UTRN: variants seen among roughly 807,000 people sequenced by gnomAD.
UTRN encodes utrophin.
UTRN carries 283 observed loss-of-function variants against 463.9 expected under a neutral mutation model. That is an observed-to-expected ratio of 0.61 (90% CI 0.55 to 0.67). The LOEUF (loss-of-function observed/expected upper bound fraction) is 0.67. Among genes scored for constraint, UTRN ranks in the 30% least tolerant of loss-of-function variants. UTRN has a pLI of 0.00. For synonymous variants in UTRN, 1,442 were observed against 1,431.5 expected (o/e 1.01, Z -0.17); for missense variants, 3,922 against 4,084.3 (o/e 0.96, Z 1.08).
Position 144,852,189 on chromosome 6 carries a change from A to G in UTRN, c.*1192A>G, listed in dbSNP as rs1459844461. The stretch of plus-strand genomic sequence containing the variant: ...AATATATTTGGAAAGAATGTTTATC[A>G]AAAGTCTATGTCACTGCTTCTACAG... On this transcript the variant is annotated 3_prime_UTR_variant, in exon 75 of 75. Coordinates refer to ENST00000367545, the MANE Select transcript of UTRN (RefSeq NM_007124.3). 6.6e-6 allele frequency: 1 copy of G among 152,178 alleles called. No homozygotes were observed. The highest frequency in any genetic ancestry group is 2.4e-5 in the African/African-American group (1 of 41,456). The allele number at this position is 152,178 out of a possible 1,614,324, so 9.4% of individuals were successfully genotyped here.
In UTRN at chr6:144,824,431, C is replaced by CATTGTATATATGTACACTATGTATATAT. The variant is rs1554407780; in HGVS notation, c.9495-2906_9495-2905insGTACACTATGTATATATATTGTATATAT. Among the ~76,000 whole-genome samples the CATTGTATATATGTACACTATGTATATAT allele has an allele frequency of 5.7e-3, 640 of 112,684 alleles. 6 individuals carry two copies. Among genetic ancestry groups the CATTGTATATATGTACACTATGTATATAT allele is most frequent in the African/African-American group, 0.019 (533 of 27,614 alleles). 73.9% of individuals were successfully genotyped at this position (112,684 alleles called of 152,430 possible). The stretch of plus-strand genomic sequence containing the variant: ...TTATATATATATATACACACACACA[C>CATTGTATATATGTACACTATGTATATAT]ATTGTATATATATACACATATACAA... On this transcript the variant is annotated intron_variant, in intron 66 of 74. Coordinates refer to ENST00000367545, the MANE Select transcript of UTRN (RefSeq NM_007124.3).
At chr6:144,482,609 C>G (rs1792013125) in intron 27 of UTRN, among the ~76,000 whole-genome samples, 1 of 152,070 alleles carries the variant, frequency 6.6e-6, no homozygotes, top group African/African-American at 2.4e-5. Context: ...AGACCAAAAT[C>G]TGTCCCTAAT....
chr6:144,824,600 A>T (rs531965083), intron 66 of UTRN, among the ~76,000 whole-genome samples: 2 of 40,764 alleles, frequency 4.9e-5, no homozygotes, highest in Admixed American at 4.4e-4. Flanking sequence ...ATATATATAT[A>T]TATATATATA....
At chr6:144,429,816 T>C in intron 9 of UTRN, 75 bp downstream of exon 9, 1 of 1,499,012 alleles carries the variant, frequency 6.7e-7, no homozygotes, top group Non-Finnish European at 9.0e-7. Context: ...AAAACACTTT[T>C]AGAGGGTTTT....
At chr6:144,360,075 C>T (rs1324304359) in intron 2 of UTRN, among the ~76,000 whole-genome samples, 28 of 94,598 alleles carry the variant, frequency 3.0e-4, no homozygotes, top group African/African-American at 1.5e-3. Flanking sequence ...CCCTTCCCTT[C>T]CCTTCCCTTC....
At chr6:144,475,842 G>T (rs571561383) in intron 25 of UTRN, among the ~76,000 whole-genome samples, 1 of 152,170 alleles carries the variant, frequency 6.6e-6, no homozygotes, top group African/African-American at 2.4e-5. Context: ...TTGGGAGGCT[G>T]AGGTGGGTGG....
chr6:144,540,249 G>A (rs1797876260), intron 45 of UTRN, among the ~76,000 whole-genome samples: 1 of 151,502 alleles, frequency 6.6e-6, no homozygotes, highest in African/African-American at 2.4e-5. Context: ...ACGGTTAAAA[G>A]TAGATAAAGT....
intron 1 of UTRN, among the ~76,000 whole-genome samples, chr6:144,290,367 G>T (rs1804107350): frequency 6.6e-6 from 1 of 152,084 alleles, no homozygotes; most frequent in African/African-American, 2.4e-5. Context: ...AGGTAATTTT[G>T]GTTTTCAAGA....
chr6:144,593,641 T>C (rs1329385962), intron 51 of UTRN, among the ~76,000 whole-genome samples: 1 of 152,188 alleles, frequency 6.6e-6, no homozygotes, highest in Non-Finnish European at 1.5e-5. Context: ...TGACTTGGCC[T>C]TAGGCTGCCT....
intron 46 of UTRN, among the ~76,000 whole-genome samples, chr6:144,545,450 G>A (rs1450000615): frequency 6.6e-6 from 1 of 152,082 alleles, no homozygotes; most frequent in Admixed American, 6.5e-5. Context: ...TTTTCCCTTT[G>A]TTCATTCTGT....
chr6:144,295,590 CTCT>C (rs1406634954), intron 2 of UTRN, among the ~76,000 whole-genome samples: 4 of 152,212 alleles, frequency 2.6e-5, no homozygotes, highest in African/African-American at 9.6e-5. Context: ...TTTGCATTTT[CTCT>C]TCTTGTCTAA....
chr6:144,661,017 A>G (rs532729589), intron 51 of UTRN, among the ~76,000 whole-genome samples: 53 of 152,218 alleles, frequency 3.5e-4, no homozygotes, highest in Non-Finnish European at 7.1e-4. Flanking sequence ...TTTGGATGCC[A>G]AACACCAATC....
intron 2 of UTRN, among the ~76,000 whole-genome samples, chr6:144,295,550 C>A (rs940491266): frequency 6.6e-6 from 1 of 152,202 alleles, no homozygotes; most frequent in Non-Finnish European, 1.5e-5. Flanking sequence ...GGGCTGGAAG[C>A]CTGTGTGTAA....
rs768832466 is a variant in UTRN at position 144,835,904 on chromosome 6, G to A, written c.9790G>A (p.Glu3264Lys). The A allele has an allele frequency of 1.2e-6, 2 of 1,614,122 alleles. No individual in the cohort carries two copies. Among genetic ancestry groups the A allele is most frequent in the Non-Finnish European group, 1.7e-6 (2 of 1,179,986 alleles). Residue 3264 changes from glutamate (E) to lysine (K), a missense_variant, in exon 70 of 75, where the codon GAG becomes AAG. Coordinates refer to ENST00000367545, the MANE Select transcript of UTRN (RefSeq NM_007124.3). ...AGAGAGGGAAGAACGTGGAGAACTG[G>A]AGAGGATCATTGCTGACCTGGAGGA... Reference protein sequence around the residue: ...SVEREERGELERIIADLEEEQ... With the variant: ...SVEREERGELKRIIADLEEEQ...
Position 144,370,994 on chromosome 6 carries a change from C to T in UTRN, c.80-32129C>T, listed in dbSNP as rs193152598. ...TTAAGACACCTGCATTACTGTTTGA[C>T]AGGTGTACTGCCCCAGTCAAACTCC... On this transcript the variant is annotated intron_variant, in intron 2 of 74. Transcript: ENST00000367545. Among the ~76,000 whole-genome samples, 419 of 152,306 alleles carry T rather than the reference C, an allele frequency of 2.8e-3. 3 individuals are homozygous for T. The highest frequency in any genetic ancestry group is 0.014 in the Middle Eastern group (4 of 294).
chr6:144,429,508 A>C, intron 8 of UTRN, 73 bp from the exon 9 acceptor site: 1 of 1,357,550 alleles, frequency 7.4e-7, no homozygotes, highest in South Asian at 1.5e-5. Context: ...GAGTTATTTT[A>C]TATCTAATAT....
intron 22 of UTRN, 143 bp downstream of exon 22, chr6:144,461,485 GGTTA>G (rs1789403268): frequency 1.0e-6 from 1 of 992,390 alleles, no homozygotes; most frequent in African/African-American, 1.7e-5. Flanking sequence ...ATGATTTGAG[GGTTA>G]GTTTGACCTC....
In UTRN at chr6:144,851,538, A is replaced by C. The variant is rs1225936781; in HGVS notation, c.*541A>C. ...AACCAACTAGATCCCAAATAGATCC[A>C]TGTATTTGTTTCCGTGATTTGGCCA... On this transcript the variant is annotated 3_prime_UTR_variant, in exon 75 of 75. Transcript: ENST00000367545. The C allele has an allele frequency of 2.6e-5, 4 of 153,904 alleles. No homozygotes were observed. The highest frequency in any genetic ancestry group is 9.7e-5 in the African/African-American group (4 of 41,450). The allele number at this position is 153,904 out of a possible 1,614,324, so 9.5% of individuals were successfully genotyped here.
At chr6:144,565,298 A>T (rs1394969536) in intron 50 of UTRN, among the ~76,000 whole-genome samples, 1 of 152,144 alleles carries the variant, frequency 6.6e-6, no homozygotes, top group African/African-American at 2.4e-5. Flanking sequence ...TAAGTTTGAG[A>T]TGCCTGTTAG....
Sources: gnomAD v4.1 joint callset for allele counts (sites outside exome capture counted in the v4.1 genomes callset) on GRCh38, gnomAD v4.1.1 for gene constraint, MANE v1.5 for transcripts, NCBI Gene and HGNC (gene_info 2026-07-23, HGNC 2026-07-21) for gene names.